PCDHA12: variants seen among roughly 807,000 people sequenced by gnomAD.
PCDHA12 encodes protocadherin alpha 12.
A neutral mutation model predicts 60.0 loss-of-function variants in PCDHA12; 44 were observed. The observed-to-expected ratio is 0.73, with a 90% CI of 0.58 to 0.94. PCDHA12 has a LOEUF of 0.94. Among genes scored for constraint, PCDHA12 ranks in the 40% least tolerant of loss-of-function variants. PCDHA12 has a pLI of 0.00. For missense variants in PCDHA12, 1,276 were observed against 1,239.7 expected, an observed-to-expected ratio of 1.03 and a Z score of -0.44; for synonymous variants, 569 against 553.0, an observed-to-expected ratio of 1.03 and a Z score of -0.40.
intron 1 of PCDHA12, among the ~76,000 whole-genome samples, chr5:140,880,655 G>A (rs782616371): frequency 6.6e-6 from 1 of 152,186 alleles, no homozygotes; most frequent in African/African-American, 2.4e-5. Context: ...CCCAACTGAG[G>A]TAAAGGTGAG....
intron 3 of PCDHA12, among the ~76,000 whole-genome samples, chr5:140,996,686 T>G (rs1447702915): frequency 2.6e-5 from 4 of 152,214 alleles, no homozygotes; most frequent in Non-Finnish European, 5.9e-5. Flanking sequence ...TGGGCTAGTA[T>G]TCTTCTGAAC....
Position 140,927,866 on chromosome 5 carries a change from A to G in PCDHA12, c.2367+50027A>G, listed in dbSNP as rs1554205166. The G allele has an allele frequency of 2.5e-6, 4 of 1,614,224 alleles. No individual in the cohort carries two copies. In the Admixed American group the frequency reaches 6.7e-5, roughly 27 times the overall value. On this transcript the variant is annotated intron_variant, in intron 1 of 3. Transcript: ENST00000398631. Reference sequence around the variant, plus strand: ...GTCTTTGGTTTAGCTAGCACCGCTAAACTGCTGGTGGAGGTGACTGACGTG... The same window carrying G: ...GTCTTTGGTTTAGCTAGCACCGCTAGACTGCTGGTGGAGGTGACTGACGTG...
chr5:140,983,806 G>T (rs981942088), intron 3 of PCDHA12, among the ~76,000 whole-genome samples: 1 of 152,110 alleles, frequency 6.6e-6, no homozygotes, highest in Non-Finnish European at 1.5e-5. Flanking sequence ...GTGTGTAAAA[G>T]GTTTTTTCCC....
At chr5:140,912,443 G>T (rs1351780500) in intron 1 of PCDHA12, among the ~76,000 whole-genome samples, 3 of 151,748 alleles carry the variant, frequency 2.0e-5, no homozygotes, top group African/African-American at 7.3e-5. Flanking sequence ...TGATTTGTGT[G>T]CATTGATTTT....
Position 140,876,997 on chromosome 5 carries a change from T to G in PCDHA12, c.1525T>G (p.Ser509Ala), listed in dbSNP as rs1024280391. 6.8e-6 allele frequency: 11 copies of G among 1,612,358 alleles called. No homozygotes were observed. The African/African-American group carries it at 1.1e-4, about 16-fold the overall frequency. Residue 509 changes from serine (S) to alanine (A), a missense_variant, in exon 1 of 4, where the codon TCG becomes GCG. Ser to Ala is a moderately conservative substitution (Grantham distance 99). Transcript: ENST00000398631. The part of the protein sequence containing the change: ...VGEHALSSYV[S>A]VHAESGKVYA... ...CGAGCACGCACTGTCGAGCTACGTG[T>G]CGGTGCACGCGGAGAGCGGCAAGGT...
At chr5:140,953,419 C>T (rs2094885258) in intron 1 of PCDHA12, among the ~76,000 whole-genome samples, 2 of 152,134 alleles carry the variant, frequency 1.3e-5, no homozygotes, top group Admixed American at 1.3e-4. Context: ...GGCTCCTCCC[C>T]TTTGTCCTTA....
Position 141,010,957 on chromosome 5 carries a change from C to CT in PCDHA12, c.*1021dup, listed in dbSNP as rs1342734442. The CT allele has an allele frequency of 6.5e-5, 10 of 153,858 alleles. No homozygotes were observed. Among genetic ancestry groups the CT allele is most frequent in the African/African-American group, 2.4e-4 (10 of 41,554 alleles). The allele number at this position is 153,858 out of a possible 1,614,324, so 9.5% of individuals were successfully genotyped here. A position where few individuals can be genotyped will look rare whatever the true frequency, so the allele number is the denominator to read the frequency against. On this transcript the variant is annotated 3_prime_UTR_variant, in exon 4 of 4. Coordinates refer to ENST00000398631, the MANE Select transcript of PCDHA12 (RefSeq NM_018903.4). ...ACAGCCATTTAAATGATCATTGCTG[C>CT]TACAGAAGTGCTTTAAGAGAATTGC...
At chr5:140,936,640 C>T (rs782162757) in intron 1 of PCDHA12, among the ~76,000 whole-genome samples, 2 of 152,208 alleles carry the variant, frequency 1.3e-5, no homozygotes, top group Non-Finnish European at 2.9e-5. Flanking sequence ...TCATAAGCAA[C>T]GTGACTTTAT....
chr5:140,967,745 G>A, intron 1 of PCDHA12: 1 of 1,614,184 alleles, frequency 6.2e-7, no homozygotes, highest in Non-Finnish European at 8.5e-7. Flanking sequence ...GGATTATGAG[G>A]AAGCCTCCTC....
rs1345698735 is a variant in PCDHA12 at position 140,877,199 on chromosome 5, C to T, written c.1727C>T (p.Ala576Val). The change falls in exon 1 of 4, where the codon GCA (alanine) becomes GTA (valine). Residue 576 changes from alanine to valine, a missense_variant. Physicochemically the swap from Ala to Val is moderately conservative, Grantham distance 64. Coordinates refer to ENST00000398631, the MANE Select transcript of PCDHA12 (RefSeq NM_018903.4). ...ACTCCGGCTGGCAGCGCAGGAGGCGCAGTTAGCGAGTTGGTACCGCGGTCG... is the reference window on the plus strand; with the variant it reads ...ACTCCGGCTGGCAGCGCAGGAGGCGTAGTTAGCGAGTTGGTACCGCGGTCG... ...LATPAGSAGG[A>V]VSELVPRSVG... The T allele has an allele frequency of 8.7e-6, 14 of 1,613,698 alleles. No individual in the cohort carries two copies. The highest frequency in any genetic ancestry group is 1.2e-5 in the Non-Finnish European group (14 of 1,179,816).
chr5:140,909,545 C>T (rs2074570694), intron 1 of PCDHA12, among the ~76,000 whole-genome samples: 2 of 152,142 alleles, frequency 1.3e-5, no homozygotes, highest in African/African-American at 4.8e-5. Context: ...TTGATGGTGG[C>T]ACTAATCTCT....
At chr5:140,913,282 AG>A (rs1231451737) in intron 1 of PCDHA12, among the ~76,000 whole-genome samples, 20 of 152,154 alleles carry the variant, frequency 1.3e-4, no homozygotes, top group African/African-American at 4.6e-4. Flanking sequence ...TGGTCTGTTT[AG>A]GTTTTAATTT....
intron 3 of PCDHA12, among the ~76,000 whole-genome samples, chr5:141,008,816 C>T (rs2098391999): frequency 6.6e-6 from 1 of 152,190 alleles, no homozygotes; most frequent in African/African-American, 2.4e-5. Context: ...GCTCAATTTA[C>T]AACAGGATTC....
Position 141,012,131 on chromosome 5 carries a change from G to A in PCDHA12, c.*2194G>A, listed in dbSNP as rs1214098938. The A allele has an allele frequency of 1.3e-5, 2 of 153,688 alleles. No individual in the cohort carries two copies. The highest frequency in any genetic ancestry group is 2.9e-5 in the Non-Finnish European group (2 of 68,026). 9.5% of individuals were successfully genotyped at this position (153,688 alleles called of 1,614,324 possible). A position where few individuals can be genotyped will look rare whatever the true frequency, so the allele number is the denominator to read the frequency against. ...CTGAAGCCCATGTATCTGACCTTAC[G>A]TGCCTTTTGAACTAGGAGAATCGGG... On this transcript the variant is annotated 3_prime_UTR_variant, in exon 4 of 4. Transcript: ENST00000398631.
At position 140,927,570 on chromosome 5, in the gene PCDHA12, A is replaced by G. The variant is rs568227710; in HGVS notation, c.2367+49731A>G. 5.0e-5 allele frequency: 80 copies of G among 1,614,066 alleles called. 1 individual carries two copies. Among genetic ancestry groups the G allele is most frequent in the Middle Eastern group, 4.9e-4 (3 of 6,084 alleles). On this transcript the variant is annotated intron_variant, in intron 1 of 3. Transcript: ENST00000398631. ...AAGTCACCATCATTGTGGTGGACAC[A>G]AATGACAACGCGCCTGTATTTGAGC...
intron 1 of PCDHA12, chr5:140,930,288 T>A (rs2086713135): frequency 6.6e-6 from 1 of 152,212 alleles, no homozygotes; most frequent in African/African-American, 2.4e-5. Context: ...CAAATACACT[T>A]AACAAATAAG....
intron 1 of PCDHA12, among the ~76,000 whole-genome samples, chr5:140,941,621 G>A (rs552509224): frequency 6.6e-6 from 1 of 151,808 alleles, no homozygotes; most frequent in South Asian, 2.1e-4. Context: ...AGCCCATCCT[G>A]CTTCTTAATT....
chr5:140,956,009 C>G (rs1479377959), intron 1 of PCDHA12, among the ~76,000 whole-genome samples: 1 of 152,192 alleles, frequency 6.6e-6, no homozygotes, highest in Non-Finnish European at 1.5e-5. Context: ...TATCCTGAGA[C>G]TTTGCTGAAG....
At chr5:140,976,697 T>C (rs2096727777) in intron 1 of PCDHA12, among the ~76,000 whole-genome samples, 1 of 152,224 alleles carries the variant, frequency 6.6e-6, no homozygotes, top group Non-Finnish European at 1.5e-5. Context: ...AGTACAATAA[T>C]GTTGACTTTG....
Sources: gnomAD v4.1 joint callset for allele counts (sites outside exome capture counted in the v4.1 genomes callset) on GRCh38, gnomAD v4.1.1 for gene constraint, MANE v1.5 for transcripts, NCBI Gene and HGNC (gene_info 2026-07-23, HGNC 2026-07-21) for gene names.